The following HERC1 variants were observed in gnomAD, a reference collection of about 807,000 sequenced individuals.
The protein encoded by HERC1 is HECT and RLD domain containing E3 ubiquitin protein ligase family member 1, also known as probable E3 ubiquitin-protein ligase HERC1.
HERC1 carries 160 observed loss-of-function variants against 554.3 expected under a neutral mutation model. The observed-to-expected ratio is 0.29, with a 90% confidence interval of 0.25 to 0.33. The LOEUF (loss-of-function observed/expected upper bound fraction) is 0.33. Among genes scored for constraint, HERC1 ranks in the 10% least tolerant of loss-of-function variants. HERC1 has a pLI of 1.00. For missense variants in HERC1, 4,919 were observed against 5,918.5 expected, an observed-to-expected ratio of 0.83 and a Z score of 5.54; for synonymous variants, 2,175 against 2,131.7, an observed-to-expected ratio of 1.02 and a Z score of -0.56.
At position 63,775,494 on chromosome 15, in the gene HERC1, T is replaced by G; in HGVS notation, c.130A>C (p.Asn44His). ...VAVLYSKLVS[N>H]KEVVPLPQQV... is the part of the protein sequence containing the mutation. ...TGGGGCAAAGGTACTACTTCCTTAT[T>G]GCTAACCAGTTTAGAATACAGAACA... Residue 44 changes from asparagine (N) to histidine (H), a missense_variant, in exon 2 of 78, where the codon AAT (asparagine) becomes CAT (histidine). Transcript: ENST00000443617. The surrounding 1 kb of genome is among the most constrained non-coding windows in gnomAD (Gnocchi z 4.0). The G allele has an allele frequency of 6.2e-7, 1 of 1,614,028 alleles. No homozygotes were observed. Among genetic ancestry groups the G allele is most frequent in the Non-Finnish European group, 8.5e-7 (1 of 1,179,890 alleles).
intron 1 of HERC1, among the ~76,000 whole-genome samples, chr15:63,829,972 A>C (rs1477131432): frequency 6.6e-6 from 1 of 152,226 alleles, no homozygotes; most frequent in African/African-American, 2.4e-5. Context: ...TAAGTGAGGG[A>C]AAGGGGACAT....
At chr15:63,655,228 C>T (rs7170334) in intron 50 of HERC1, among the ~76,000 whole-genome samples, 4,492 of 152,180 alleles carry the variant, frequency 0.03, 212 homozygotes, top group African/African-American at 0.1. Flanking sequence ...GTGGCATGTG[C>T]CTGTAATCCC....
chr15:63,616,893 C>A (rs1340086643), intron 74 of HERC1, among the ~76,000 whole-genome samples: 1 of 152,010 alleles, frequency 6.6e-6, no homozygotes, highest in African/African-American at 2.4e-5. Context: ...ACATGTGGAC[C>A]GTAGTTATTG....
intron 1 of HERC1, chr15:63,779,975 C>T: frequency 7.5e-6 from 1 of 133,432 alleles, no homozygotes; most frequent in Non-Finnish European, 1.5e-5. Context: ...GATCACAAGA[C>T]TGCACTCCAG....
chr15:63,738,638 C>T (rs1347958817), intron 12 of HERC1, among the ~76,000 whole-genome samples: 1 of 152,074 alleles, frequency 6.6e-6, no homozygotes, highest in Non-Finnish European at 1.5e-5. Context: ...AATGTGGTTA[C>T]TGCAAATAGA....
Position 63,774,970 on chromosome 15 carries a change from GC to G in HERC1, c.653del (p.Gly218AlafsTer8), listed in dbSNP as rs1336761060. On this transcript the variant is annotated frameshift_variant, in exon 2 of 78. Transcript: ENST00000443617. LOFTEE classifies it high-confidence loss of function. ...LANESKIPPM[G>X]LDCLSQVTTF... ...TTGTTACTTGCGATAAGCAGTCCAA[GC>G]CCATAGGAGGAATCTTGCTTTCATT... 1 of 1,613,902 alleles carries G rather than the reference GC, an allele frequency of 6.2e-7. No individual in the cohort carries two copies. The highest frequency in any genetic ancestry group is 8.5e-7 in the Non-Finnish European group (1 of 1,179,892).
Position 63,775,551 on chromosome 15 carries a change from T to C in HERC1, c.73A>G (p.Ser25Gly). Residue 25 changes from serine (S) to glycine (G), a missense_variant, in exon 2 of 78, where the codon AGT becomes GGT. Physicochemically the swap from Ser to Gly is moderately conservative, Grantham distance 56 (BLOSUM62 0). This residue lies in a region of HERC1 where 110 missense variants were observed against 99.3 expected (regional missense o/e 1.11). Transcript: ENST00000443617. This position sits in a 1 kb window ranked among gnomAD's most constrained non-coding sequence, Gnocchi z 4.0. ...HLNSSWITEDSESIATREGVA... is the reference protein window; with the variant it reads ...HLNSSWITEDGESIATREGVA... ...CCCTCTCTTGTAGCAATAGATTCACTGTCCTCTGTAATCCAGGAGCTGTTC... is the reference window on the plus strand; with the variant it reads ...CCCTCTCTTGTAGCAATAGATTCACCGTCCTCTGTAATCCAGGAGCTGTTC... 6.2e-7 allele frequency: 1 copy of C among 1,613,818 alleles called. No homozygotes were observed. The highest frequency in any genetic ancestry group is 1.1e-5 in the South Asian group (1 of 91,040).
At chr15:63,747,693 C>T (rs1238262039) in intron 11 of HERC1, 31 bp downstream of exon 11, 4 of 1,398,732 alleles carry the variant, frequency 2.9e-6, no homozygotes, top group Non-Finnish European at 4.0e-6. Flanking sequence ...CACACACACA[C>T]ACAAAGATAC....
Position 63,725,488 on chromosome 15 carries a change from A to C in HERC1, c.3372T>G (p.Ala1124=), listed in dbSNP as rs1174711997. ...GAGCTGGCTGAGGTAATGGCAGACC[A>C]GCAGGATCAATTAGTTCTGGCCCTC... ...LHGGPELIDP[A]GLPLPQPAQS... The change falls in exon 18 of 78, where the codon GCT becomes GCG. Residue 1124 remains alanine (A), a synonymous_variant. Transcript: ENST00000443617. 6.2e-7 allele frequency: 1 copy of C among 1,613,948 alleles called. No individual in the cohort carries two copies. Among genetic ancestry groups the C allele is most frequent in the Non-Finnish European group, 8.5e-7 (1 of 1,179,862 alleles).
chr15:63,739,886 G>A (rs1440724946), intron 12 of HERC1, among the ~76,000 whole-genome samples: 6 of 151,564 alleles, frequency 4.0e-5, no homozygotes, highest in African/African-American at 1.5e-4. Flanking sequence ...TAAGCCCTTT[G>A]TGTCTGGCTT....
chr15:63,616,336 G>A, intron 75 of HERC1, 94 bp downstream of exon 75: 3 of 1,324,646 alleles, frequency 2.3e-6, no homozygotes, highest in South Asian at 1.3e-5. Context: ...CAGACAGCAA[G>A]TGGAAGACTG....
chr15:63,674,525 C>T lies in HERC1; in HGVS notation c.7663G>A (p.Glu2555Lys). ...SDCASSPVVH[E>K]DVEMRAALQF... is the part of the protein sequence containing the mutation. The stretch of plus-strand genomic sequence containing the variant: ...AGGGCTGCTCGCATCTCCACGTCTT[C>T]ATGAACAACTGGAGAACTTGCACAG... The change falls in exon 38 of 78, where the codon GAA becomes AAA. Residue 2555 changes from glutamate to lysine, a missense_variant. Physicochemically the swap from Glu to Lys is moderately conservative, Grantham distance 56. This residue lies in a region of HERC1 where 1,963 missense variants were observed against 2,228.6 expected (regional missense o/e 0.88). Transcript: ENST00000443617. 8 of 1,613,476 alleles carry T rather than the reference C, an allele frequency of 5.0e-6. No individual in the cohort carries two copies. Among genetic ancestry groups the T allele is most frequent in the Non-Finnish European group, 6.8e-6 (8 of 1,179,628 alleles).
At chr15:63,789,380 G>A (rs544708115) in intron 1 of HERC1, among the ~76,000 whole-genome samples, 33 of 151,582 alleles carry the variant, frequency 2.2e-4, no homozygotes, top group African/African-American at 7.0e-4. Context: ...GTGAGCCACC[G>A]CGCCCGGCCA....
At chr15:63,664,647 G>A in intron 42 of HERC1, 53 bp from the exon 43 acceptor site, 3 of 1,536,676 alleles carry the variant, frequency 2.0e-6, no homozygotes, top group Non-Finnish European at 2.7e-6. Context: ...ATTATGGAAA[G>A]AAAGCATAGG....
chr15:63,750,278 T>C (rs532014932), intron 8 of HERC1, among the ~76,000 whole-genome samples: 9 of 152,294 alleles, frequency 5.9e-5, no homozygotes, highest in African/African-American at 2.2e-4. Context: ...AATTATCACT[T>C]ACAAAGAGGG....
intron 8 of HERC1, among the ~76,000 whole-genome samples, chr15:63,750,593 T>C (rs1372586881): frequency 2.0e-5 from 3 of 152,188 alleles, no homozygotes; most frequent in African/African-American, 7.2e-5. Flanking sequence ...TTGCAATTAT[T>C]TTAGGAAAGA....
Position 63,716,365 on chromosome 15 carries a change from C to CTT in HERC1, c.4085_4086dup (p.Glu1363LysfsTer18). ...TCATCCTCTGGCTCCGGATGCCCCTCTTCCCGGTCTCTCTCAGCCTGTTCT... is the reference window on the plus strand; with the variant it reads ...TCATCCTCTGGCTCCGGATGCCCCTCTTTTCCCGGTCTCTCTCAGCCTGTTCT... On this transcript the variant is annotated frameshift_variant, in exon 22 of 78. Transcript: ENST00000443617. LOFTEE classifies it high-confidence loss of function. 6.2e-7 allele frequency: 1 copy of CTT among 1,613,926 alleles called. No individual in the cohort carries two copies. The highest frequency in any genetic ancestry group is 8.5e-7 in the Non-Finnish European group (1 of 1,179,864).
Position 63,654,285 on chromosome 15 carries a change from AGGCAGCAGGCTGCCAG to A in HERC1, c.10108_10123del (p.Leu3370SerfsTer57). On this transcript the variant is annotated frameshift_variant, in exon 51 of 78. Coordinates refer to ENST00000443617, the MANE Select transcript of HERC1 (RefSeq NM_003922.4). LOFTEE classifies it high-confidence loss of function. ...ATGCTGTGAGGACAGCCTGGAGGAG[AGGCAGCAGGCTGCCAG>A]GGCATTAGCCAACTCCAGAGGGCCT... The A allele has an allele frequency of 6.2e-7, 1 of 1,613,920 alleles. No individual in the cohort carries two copies.
chr15:63,753,623 T>A (rs975435381), intron 7 of HERC1, among the ~76,000 whole-genome samples: 1 of 152,146 alleles, frequency 6.6e-6, no homozygotes, highest in Non-Finnish European at 1.5e-5. Context: ...ATTTTCACTA[T>A]TGAAATTATT....
Sources: allele counts gnomAD v4.1 joint callset (sites outside exome capture counted in the v4.1 genomes callset), GRCh38; gene constraint gnomAD v4.1.1; regional missense constraint gnomAD v4.1.1; non-coding constraint Gnocchi (gnomAD v3.1); transcripts MANE v1.5; gene names NCBI Gene and HGNC (gene_info 2026-07-23, HGNC 2026-07-21).